SOX1: variants seen among roughly 807,000 people sequenced by gnomAD.
SOX1 encodes the protein transcription factor SOX-1.
In SOX1, 1 loss-of-function variant was observed where a neutral mutation model predicts 0.9. The ratio of observed to expected loss-of-function variants is 1.07; its 90% CI spans 0.38 to 5.06. The LOEUF is 5.06. Among genes scored for constraint, SOX1 ranks in the 30% most tolerant of loss-of-function variants. The pLI is 0.16. For missense variants in SOX1, 564 were observed against 534.4 expected (o/e 1.06, Z -0.55); for synonymous variants, 397 against 265.5 (o/e 1.50, Z -4.81).
chr13:112,070,988 G>C lies in SOX1; in HGVS notation c.*2154G>C, dbSNP rs1335363637. On this transcript the variant is annotated 3_prime_UTR_variant, in exon 1 of 1. Coordinates refer to ENST00000330949, the MANE Select transcript of SOX1 (RefSeq NM_005986.3). ...ACCACTACGACTTAGTCCGGGATAA[G>C]GGCCTCCCCAGTCCTCTCCGGGAGA... Among the ~76,000 whole-genome samples, 1 of 152,186 alleles carries C rather than the reference G, an allele frequency of 6.6e-6. No individual in the cohort carries two copies. The highest frequency in any genetic ancestry group is 1.9e-4 in the East Asian group (1 of 5,202).
Position 112,067,944 on chromosome 13 carries a change from G to C in SOX1, c.286G>C (p.Glu96Gln), listed in dbSNP as rs1208285669. The C allele has an allele frequency of 6.2e-7, 1 of 1,607,138 alleles. No individual in the cohort carries two copies. The highest frequency in any genetic ancestry group is 1.3e-5 in the African/African-American group (1 of 74,586). ...CGAGTGGAAGGTCATGTCCGAGGCC[G>C]AGAAGCGGCCGTTCATCGACGAGGC... ...GAEWKVMSEA[E>Q]KRPFIDEAKR... The change falls in exon 1 of 1, where the codon GAG (glutamate) becomes CAG (glutamine). Residue 96 changes from glutamate to glutamine, a missense_variant. Physicochemically the swap from Glu to Gln is conservative, Grantham distance 29 (BLOSUM62 2). Coordinates refer to ENST00000330949, the MANE Select transcript of SOX1 (RefSeq NM_005986.3). The surrounding 1 kb of genome is among the most constrained non-coding windows in gnomAD (Gnocchi z 5.1).
Position 112,068,260 on chromosome 13 carries a change from C to A in SOX1, c.602C>A (p.Ala201Glu). 3.9e-6 allele frequency: 3 copies of A among 776,344 alleles called. No homozygotes were observed. The highest frequency in any genetic ancestry group is 4.7e-6 in the Non-Finnish European group (3 of 634,034). The allele number at this position is 776,344 out of a possible 1,614,324, so 48.1% of individuals were successfully genotyped here. ...AYPGSVAAAA[A>E]AAAMMQEAQL... ...CCCGGCTCGGTGGCGGCGGCGGCGGCGGCCGCGGCCATGATGCAGGAGGCG... is the reference window on the plus strand; with the variant it reads ...CCCGGCTCGGTGGCGGCGGCGGCGGAGGCCGCGGCCATGATGCAGGAGGCG... Residue 201 changes from alanine (A) to glutamate (E), a missense_variant, in exon 1 of 1, where the codon GCG becomes GAG. Coordinates refer to ENST00000330949, the MANE Select transcript of SOX1 (RefSeq NM_005986.3). The surrounding 1 kb of genome is among the most constrained non-coding windows in gnomAD (Gnocchi z 6.9).
rs1880745861 is a variant in SOX1 at position 112,067,434 on chromosome 13, T to C, written c.-225T>C. 1.3e-5 allele frequency among the ~76,000 whole-genome samples: 2 copies of C among 152,094 alleles called. No individual in the cohort carries two copies. ...GTCGGCCTCTTTGGCAAGTGGTTTG[T>C]GCATCAGGAGAAACTTTCCACCTGC... On this transcript the variant is annotated 5_prime_UTR_variant, in exon 1 of 1. Transcript: ENST00000330949. The surrounding 1 kb of genome is among the most constrained non-coding windows in gnomAD (Gnocchi z 5.1).
At position 112,067,741 on chromosome 13, in the gene SOX1, C is replaced by CGGGCGGCGGCGG. The variant is rs781269504; in HGVS notation, c.90_101dup (p.Gly40_Gly43dup). 4 of 1,216,566 alleles carry CGGGCGGCGGCGG rather than the reference C, an allele frequency of 3.3e-6. No individual in the cohort carries two copies. The African/African-American group carries it at 4.8e-5, about 15-fold the overall frequency. 75.4% of individuals were successfully genotyped at this position (1,216,566 alleles called of 1,614,324 possible). On this transcript the variant is annotated inframe_insertion, in exon 1 of 1. Coordinates refer to ENST00000330949, the MANE Select transcript of SOX1 (RefSeq NM_005986.3). The surrounding 1 kb of genome is among the most constrained non-coding windows in gnomAD (Gnocchi z 5.1). ...ACGAACCTCTCGGGCCCCGCCGGGG[C>CGGGCGGCGGCGG]GGGCGGCGGCGGGGGCGGAGGCGGG...
In SOX1 at chr13:112,068,205, C is replaced by T; in HGVS notation, c.547C>T (p.His183Tyr). 1 of 777,860 alleles carries T rather than the reference C, an allele frequency of 1.3e-6. No individual in the cohort carries two copies. Among genetic ancestry groups the T allele is most frequent in the Non-Finnish European group, 1.6e-6 (1 of 639,118 alleles). 48.2% of individuals were successfully genotyped at this position (777,860 alleles called of 1,614,324 possible). Residue 183 changes from histidine (H) to tyrosine (Y), a missense_variant, in exon 1 of 1, where the codon CAC becomes TAC. Coordinates refer to ENST00000330949, the MANE Select transcript of SOX1 (RefSeq NM_005986.3). This position sits in a 1 kb window ranked among gnomAD's most constrained non-coding sequence, Gnocchi z 6.9. Reference sequence around the variant, plus strand: ...CGGCGCGGCGGGCGGCGGCTACGCGCACGTCAACGGCTGGGCCAACGGCGC... The same window carrying T: ...CGGCGCGGCGGGCGGCGGCTACGCGTACGTCAACGGCTGGGCCAACGGCGC... ...PGGAAGGGYA[H>Y]VNGWANGAYP...
In SOX1 at chr13:112,068,191, G is replaced by A; in HGVS notation, c.533G>A (p.Gly178Asp). Residue 178 changes from glycine (G) to aspartate (D), a missense_variant, in exon 1 of 1, where the codon GGC (glycine) becomes GAC (aspartate). Coordinates refer to ENST00000330949, the MANE Select transcript of SOX1 (RefSeq NM_005986.3). The surrounding 1 kb of genome is among the most constrained non-coding windows in gnomAD (Gnocchi z 6.9). ...QRLESPGGAA[G>D]GGYAHVNGWA... The stretch of plus-strand genomic sequence containing the variant: ...CTGGAGAGCCCAGGCGGCGCGGCGG[G>A]CGGCGGCTACGCGCACGTCAACGGC... 1.2e-6 allele frequency: 1 copy of A among 826,266 alleles called. No homozygotes were observed. Among genetic ancestry groups the A allele is most frequent in the Non-Finnish European group, 1.5e-6 (1 of 683,268 alleles). The allele number at this position is 826,266 out of a possible 1,614,324, so 51.2% of individuals were successfully genotyped here. A position where few individuals can be genotyped will look rare whatever the true frequency, so the allele number is the denominator to read the frequency against.
In SOX1 at chr13:112,067,766, G is replaced by GGGC. The variant is rs750745411; in HGVS notation, c.123_125dup (p.Gly43dup). On this transcript the variant is annotated inframe_insertion, in exon 1 of 1. Coordinates refer to ENST00000330949, the MANE Select transcript of SOX1 (RefSeq NM_005986.3). This position sits in a 1 kb window ranked among gnomAD's most constrained non-coding sequence, Gnocchi z 5.1. ...CGGGCGGCGGCGGGGGCGGAGGCGG[G>GGGC]GGCGGCGGCGGCGGCGGGGGCGCCA... 6.7e-3 allele frequency: 8,588 copies of GGGC among 1,273,642 alleles called. 44 individuals carry two copies. Among genetic ancestry groups the GGGC allele is most frequent in the African/African-American group, 0.031 (1,963 of 63,664 alleles). The allele number at this position is 1,273,642 out of a possible 1,614,324, so 78.9% of individuals were successfully genotyped here.
chr13:112,070,882 T>C lies in SOX1; in HGVS notation c.*2048T>C, dbSNP rs3742223. On this transcript the variant is annotated 3_prime_UTR_variant, in exon 1 of 1. Transcript: ENST00000330949. ...ACCCCCCCCCTCTTTTCTTTTTCTT[T>C]ATTTTTATTTCTTTTAGCTATTTGA... is the stretch of plus-strand genomic sequence containing the variant. 0.18 allele frequency among the ~76,000 whole-genome samples: 27,175 copies of C among 149,518 alleles called. 3,838 individuals carry two copies. Among genetic ancestry groups the C allele is most frequent in the African/African-American group, 0.4 (15,917 of 40,052 alleles).
rs1329740158 is a variant in SOX1, at chr13:112,071,660, GTTA to G, written c.*2831_*2833del. ...CGGAGTGAAATACTATATGATGATA[GTTA>G]TTATATTATATGACGACTTCATTCA... On this transcript the variant is annotated 3_prime_UTR_variant, in exon 1 of 1. Transcript: ENST00000330949. Among the ~76,000 whole-genome samples, 2 of 152,162 alleles carry G rather than the reference GTTA, an allele frequency of 1.3e-5. No homozygotes were observed. Among genetic ancestry groups the G allele is most frequent in the Admixed American group, 6.5e-5 (1 of 15,286 alleles).
Position 112,071,226 on chromosome 13 carries a change from A to G in SOX1, c.*2392A>G, listed in dbSNP as rs967822704. On this transcript the variant is annotated 3_prime_UTR_variant, in exon 1 of 1. Transcript: ENST00000330949. ...TTGTTGGCATCTAGGTCTTGGCTCAAGATTAGGATGTGGGCCCCACTTTAG... is the reference window on the plus strand; with the variant it reads ...TTGTTGGCATCTAGGTCTTGGCTCAGGATTAGGATGTGGGCCCCACTTTAG... Among the ~76,000 whole-genome samples the G allele has an allele frequency of 6.6e-6, 1 of 152,132 alleles. No homozygotes were observed. Among genetic ancestry groups the G allele is most frequent in the African/African-American group, 2.4e-5 (1 of 41,428 alleles).
rs886497701 is a variant in SOX1 at position 112,071,195 on chromosome 13, G to A, written c.*2361G>A. Among the ~76,000 whole-genome samples the A allele has an allele frequency of 6.6e-6, 1 of 152,208 alleles. No individual in the cohort carries two copies. Among genetic ancestry groups the A allele is most frequent in the Admixed American group, 6.5e-5 (1 of 15,282 alleles). On this transcript the variant is annotated 3_prime_UTR_variant, in exon 1 of 1. Coordinates refer to ENST00000330949, the MANE Select transcript of SOX1 (RefSeq NM_005986.3). ...CCTGTGTGTACCCTGGAGTTTCTGT[G>A]TCCAATTGTTGGCATCTAGGTCTTG...
At position 112,070,242 on chromosome 13, in the gene SOX1, A is replaced by G. The variant is rs938309346; in HGVS notation, c.*1408A>G. The G allele has an allele frequency of 6.0e-6, 1 of 167,074 alleles. No homozygotes were observed. Among genetic ancestry groups the G allele is most frequent in the African/African-American group, 2.4e-5 (1 of 41,448 alleles). 10.3% of individuals were successfully genotyped at this position (167,074 alleles called of 1,614,324 possible). A position where few individuals can be genotyped will look rare whatever the true frequency, so the allele number is the denominator to read the frequency against. ...AATTGTGCTGGATTCTCACACACAC[A>G]GAAATATCGACCATCACCCTCCCCC... On this transcript the variant is annotated 3_prime_UTR_variant, in exon 1 of 1. Transcript: ENST00000330949.
Position 112,068,653 on chromosome 13 carries a change from C to G in SOX1, c.995C>G (p.Ser332Trp). ...GGCAGCCCGCCCGCCCCAGCGCACT[C>G]GCGGGCGCCGTGCCCCGGGGACCTG... The part of the protein sequence containing the change: ...PSGSPPAPAH[S>W]RAPCPGDLRE... Residue 332 changes from serine (S) to tryptophan (W), a missense_variant, in exon 1 of 1, where the codon TCG becomes TGG. Transcript: ENST00000330949. This position sits in a 1 kb window ranked among gnomAD's most constrained non-coding sequence, Gnocchi z 6.9. 1 of 1,162,640 alleles carries G rather than the reference C, an allele frequency of 8.6e-7. No individual in the cohort carries two copies. The highest frequency in any genetic ancestry group is 1.1e-6 in the Non-Finnish European group (1 of 943,768). 72.0% of individuals were successfully genotyped at this position (1,162,640 alleles called of 1,614,324 possible).
In SOX1 at chr13:112,068,896, T is replaced by G. The variant is rs1245333864; in HGVS notation, c.*62T>G. On this transcript the variant is annotated 3_prime_UTR_variant, in exon 1 of 1. Coordinates refer to ENST00000330949, the MANE Select transcript of SOX1 (RefSeq NM_005986.3). The surrounding 1 kb of genome is among the most constrained non-coding windows in gnomAD (Gnocchi z 6.9). ...CACGAGCTCGCGGCCCGCGCCCGGC[T>G]CCCGCCCCGCCCCGGCGCGGCGTGG... 4 of 1,162,646 alleles carry G rather than the reference T, an allele frequency of 3.4e-6. No homozygotes were observed. The African/African-American group carries it at 6.5e-5, about 19-fold the overall frequency. The allele number at this position is 1,162,646 out of a possible 1,614,324, so 72.0% of individuals were successfully genotyped here.
At position 112,068,974 on chromosome 13, in the gene SOX1, A is replaced by G. The variant is rs1346736982; in HGVS notation, c.*140A>G. 4 of 571,354 alleles carry G rather than the reference A, an allele frequency of 7.0e-6. No individual in the cohort carries two copies. The highest frequency in any genetic ancestry group is 7.5e-6 in the Non-Finnish European group (3 of 398,066). The allele number at this position is 571,354 out of a possible 1,614,324, so 35.4% of individuals were successfully genotyped here. On this transcript the variant is annotated 3_prime_UTR_variant, in exon 1 of 1. Transcript: ENST00000330949. This position sits in a 1 kb window ranked among gnomAD's most constrained non-coding sequence, Gnocchi z 6.9. ...GTCAAAAGGAAAATACTGGAGACGA[A>G]CGCCGGGTGACGCGTGTCCCCCACT...
chr13:112,068,708 C>G lies in SOX1; in HGVS notation c.1050C>G (p.Ala350=), dbSNP rs1404102400. 8.5e-7 allele frequency: 1 copy of G among 1,182,350 alleles called. No homozygotes were observed. Among genetic ancestry groups the G allele is most frequent in the Non-Finnish European group, 1.0e-6 (1 of 956,866 alleles). The allele number at this position is 1,182,350 out of a possible 1,614,324, so 73.2% of individuals were successfully genotyped here. The part of the protein sequence containing the change: ...LREMISMYLP[A]GEGGDPAAAA... ...AGATGATCAGCATGTACTTGCCCGC[C>G]GGCGAGGGGGGCGACCCGGCGGCGG... The change falls in exon 1 of 1, where the codon GCC becomes GCG. Residue 350 remains alanine (A), a synonymous_variant. Transcript: ENST00000330949. This position sits in a 1 kb window ranked among gnomAD's most constrained non-coding sequence, Gnocchi z 6.9.
Position 112,067,150 on chromosome 13 carries a change from G to A in SOX1, c.-509G>A, listed in dbSNP as rs1880736433. Reference sequence around the variant, plus strand: ...GGCTTCCCCCGGGCACCTGGGACCAGCACATGCCCAGCGCACGCGGCGCGC... The same window carrying A: ...GGCTTCCCCCGGGCACCTGGGACCAACACATGCCCAGCGCACGCGGCGCGC... On this transcript the variant is annotated 5_prime_UTR_variant, in exon 1 of 1. Coordinates refer to ENST00000330949, the MANE Select transcript of SOX1 (RefSeq NM_005986.3). The surrounding 1 kb of genome is among the most constrained non-coding windows in gnomAD (Gnocchi z 5.1). Among the ~76,000 whole-genome samples the A allele has an allele frequency of 6.8e-6, 1 of 146,030 alleles. No individual in the cohort carries two copies. The highest frequency in any genetic ancestry group is 2.2e-4 in the South Asian group (1 of 4,608).
In SOX1 at chr13:112,067,290, C is replaced by T. The variant is rs2138615044; in HGVS notation, c.-369C>T. On this transcript the variant is annotated 5_prime_UTR_variant, in exon 1 of 1. Coordinates refer to ENST00000330949, the MANE Select transcript of SOX1 (RefSeq NM_005986.3). This position sits in a 1 kb window ranked among gnomAD's most constrained non-coding sequence, Gnocchi z 5.1. ...GGAGACAGCACACCCCGGGCCGGGC[C>T]CAGCGCACCGCTCCCGGCCCCAAAA... Among the ~76,000 whole-genome samples, 1 of 152,162 alleles carries T rather than the reference C, an allele frequency of 6.6e-6. No individual in the cohort carries two copies. Among genetic ancestry groups the T allele is most frequent in the East Asian group, 2.0e-4 (1 of 5,092 alleles).
At position 112,067,451 on chromosome 13, in the gene SOX1, T is replaced by C. The variant is rs1485214720; in HGVS notation, c.-208T>C. On this transcript the variant is annotated 5_prime_UTR_variant, in exon 1 of 1. Transcript: ENST00000330949. The surrounding 1 kb of genome is among the most constrained non-coding windows in gnomAD (Gnocchi z 5.1). ...GTGGTTTGTGCATCAGGAGAAACTTTCCACCTGCGAGCCGAACCGGCGCCG... is the reference window on the plus strand; with the variant it reads ...GTGGTTTGTGCATCAGGAGAAACTTCCCACCTGCGAGCCGAACCGGCGCCG... 6.6e-6 allele frequency among the ~76,000 whole-genome samples: 1 copy of C among 152,078 alleles called. No individual in the cohort carries two copies. The highest frequency in any genetic ancestry group is 2.4e-5 in the African/African-American group (1 of 41,420).
Sources: allele counts gnomAD v4.1 joint callset (sites outside exome capture counted in the v4.1 genomes callset), GRCh38; gene constraint gnomAD v4.1.1; non-coding constraint Gnocchi (gnomAD v3.1); transcripts MANE v1.5; gene names NCBI Gene and HGNC (gene_info 2026-07-23, HGNC 2026-07-21).